The following KLK15 variants were observed in gnomAD, a reference collection of about 807,000 sequenced individuals.
KLK15 encodes kallikrein-15.
KLK15 carries 19 observed loss-of-function variants against 21.1 expected under a neutral mutation model. That is an observed-to-expected ratio of 0.90 (90% CI 0.63 to 1.32). The LOEUF (loss-of-function observed/expected upper bound fraction) is 1.32. KLK15 is among the 40% of genes most tolerant of loss of function. KLK15 has a pLI of 0.00. For synonymous variants in KLK15, 141 were observed against 141.5 expected (o/e 1.00, Z 0.03); for missense variants, 345 against 348.6 (o/e 0.99, Z 0.08).
At chr19:50,828,295 C>G (rs1438065842) in intron 1 of KLK15, among the ~76,000 whole-genome samples, 1 of 151,504 alleles carries the variant, frequency 6.6e-6, no homozygotes, top group Admixed American at 6.6e-5. Context: ...AGAACTCTAG[C>G]CCCCACCCCA....
downstream of KLK15, chr19:50,825,501 C>T (rs1000549668): frequency 4.2e-5 from 9 of 216,492 alleles, no homozygotes; most frequent in East Asian, 3.0e-4. Context: ...ACCTAGGGAT[C>T]GGGGTGGTGG....
intron 1 of KLK15, among the ~76,000 whole-genome samples, chr19:50,829,825 C>A (rs1415348738): frequency 2.6e-5 from 4 of 151,432 alleles, no homozygotes; most frequent in Admixed American, 6.6e-5. Context: ...TCAAAAAAAA[C>A]CAAACAAACA....
rs58238482 is a variant in KLK15, at chr19:50,830,160, TAC to T, written c.43+1288_43+1289del. Among the ~76,000 whole-genome samples, 492 of 147,052 alleles carry T rather than the reference TAC, an allele frequency of 3.3e-3. 8 individuals carry two copies. The highest frequency in any genetic ancestry group is 0.014 in the Middle Eastern group (4 of 282). On this transcript the variant is annotated intron_variant, in intron 1 of 4. Coordinates refer to ENST00000598239, the Ensembl canonical transcript of KLK15. The stretch of plus-strand genomic sequence containing the variant: ...TGTATACCCACTGCACACGTGCATG[TAC>T]ACACACACACACACACACACACACA...
chr19:50,827,983 C>G (rs958664129), intron 1 of KLK15, among the ~76,000 whole-genome samples, 168 bp from the exon 3 acceptor site: 1 of 151,494 alleles, frequency 6.6e-6, no homozygotes, highest in African/African-American at 2.4e-5. Flanking sequence ...GACGGAGTCT[C>G]ACTCTTTTGC....
intron 1 of KLK15, among the ~76,000 whole-genome samples, chr19:50,829,383 G>GT (rs1258136048): frequency 4.6e-5 from 7 of 151,724 alleles, no homozygotes; most frequent in Non-Finnish European, 1.0e-4. Context: ...AATATTAGTT[G>GT]TTTTTTGCAA....
intron 4 of KLK15, 176 bp from the exon 6 acceptor site, chr19:50,826,124 C>G (rs1317999727): frequency 3.3e-6 from 2 of 608,414 alleles, no homozygotes; most frequent in South Asian, 4.3e-5. Flanking sequence ...AACCCCAACC[C>G]CAACCCCAAT....
intron 1 of KLK15, 37 bp downstream of exon 2, chr19:50,831,413 C>T (rs767912855): frequency 4.5e-4 from 627 of 1,390,478 alleles, no homozygotes; most frequent in Non-Finnish European, 5.3e-4. Context: ...GGGGCACCTG[C>T]TCCCACAGAC....
intron 1 of KLK15, chr19:50,831,165 C>G (rs1227125672): frequency 6.2e-6 from 2 of 322,370 alleles, no homozygotes; most frequent in Non-Finnish European, 1.1e-5. Context: ...CAAGGACACA[C>G]AGCAAGGAAG....
chr19:50,827,027 C>T (rs1180761918), exon 3 of KLK15: 3 of 1,606,020 alleles, frequency 1.9e-6, no homozygotes, highest in East Asian at 2.2e-5. Flanking sequence ...CTGGACTAGG[C>T]GCAGCAACAT....
chr19:50,826,698 C>T, exon 4 of KLK15: 1 of 1,614,106 alleles, frequency 6.2e-7, no homozygotes, highest in Non-Finnish European at 8.5e-7. Context: ...TAGCTCTTGT[C>T]ACAAGATGTG....
In KLK15 at chr19:50,829,079, AAC is replaced by A. The variant is rs1166525642; in HGVS notation, c.44-1266_44-1265del. ...ATACACACACACACATGCACACACA[AAC>A]ACACACACAGAATTGGATATTGTTC... On this transcript the variant is annotated intron_variant, in intron 1 of 4. Transcript: ENST00000598239. Among the ~76,000 whole-genome samples the A allele has an allele frequency of 3.3e-5, 5 of 150,888 alleles. No individual in the cohort carries two copies. The East Asian group carries it at 9.7e-4, about 29-fold the overall frequency.
chr19:50,831,490 C>A, exon 1 of KLK15: 2 of 1,456,048 alleles, frequency 1.4e-6, no homozygotes, highest in Non-Finnish European at 1.8e-6. Flanking sequence ...GGAGAAGCCA[C>A]ATTGTGGAGG....
chr19:50,826,267 A>AC (rs552746867), intron 4 of KLK15: 225 of 450,254 alleles, frequency 5.0e-4, no homozygotes, highest in Non-Finnish European at 7.8e-4. Context: ...ACCCATGCCC[A>AC]TCTCAAAATC....
At chr19:50,830,160 TACACACAC>T (rs58238482) in intron 1 of KLK15, among the ~76,000 whole-genome samples, 16 of 147,372 alleles carry the variant, frequency 1.1e-4, no homozygotes, top group Middle Eastern at 3.5e-3. Context: ...CACGTGCATG[TACACACAC>T]ACACACACAC....
exon 2 of KLK15, chr19:50,827,808 C>A: frequency 6.2e-7 from 1 of 1,611,412 alleles, no homozygotes; most frequent in Non-Finnish European, 8.5e-7. Flanking sequence ...TGTCACCATC[C>A]TGGGCTGCTA....
rs1241760823 is a variant in KLK15 at position 50,826,866 on chromosome 19, C to G, written c.481+12G>C. The G allele has an allele frequency of 7.7e-6, 12 of 1,556,882 alleles. No homozygotes were observed. The highest frequency in any genetic ancestry group is 1.0e-5 in the Non-Finnish European group (12 of 1,150,910). On this transcript the variant is annotated intron_variant, in intron 3 of 4. Transcript: ENST00000598239. Reference sequence around the variant, plus strand: ...CTTGAGGCCTCGCATCCAGCTCCATCCTTTCACGCACCTTGTGACCGGGGG... The same window carrying G: ...CTTGAGGCCTCGCATCCAGCTCCATGCTTTCACGCACCTTGTGACCGGGGG...
chr19:50,831,463 C>A, exon 1 of KLK15: 1 of 1,442,136 alleles, frequency 6.9e-7, no homozygotes. Flanking sequence ...TGGATGCCAG[C>A]AGGAAGGAGA....
At chr19:50,829,270 TGTAAAATGAAGATTGTTGTAAGGATGAG>T (rs1354411619) in intron 1 of KLK15, among the ~76,000 whole-genome samples, 2 of 151,708 alleles carry the variant, frequency 1.3e-5, no homozygotes, top group African/African-American at 2.4e-5. Flanking sequence ...TTTCCTCATC[TGTAAAATGAAGATTGTTGTAAGGATGAG>T]GTAGGAATGT....
intron 2 of KLK15, 119 bp from the exon 4 acceptor site, chr19:50,827,280 A>G: frequency 1.1e-6 from 1 of 943,340 alleles, no homozygotes; most frequent in South Asian, 1.7e-5. Context: ...AGAAATCTCG[A>G]CATCCCATTA....
Sources: allele counts gnomAD v4.1 joint callset (sites outside exome capture counted in the v4.1 genomes callset), GRCh38; gene constraint gnomAD v4.1.1; transcripts MANE v1.5; gene names NCBI Gene and HGNC (gene_info 2026-07-23, HGNC 2026-07-21).